The following CHN2 variants were observed in gnomAD, a reference collection of about 807,000 sequenced individuals.
CHN2 encodes the protein beta-chimaerin.
In CHN2, 35 loss-of-function variants were observed where a neutral mutation model predicts 56.3. The observed-to-expected ratio is 0.62, with a 90% CI of 0.47 to 0.82. The LOEUF (loss-of-function observed/expected upper bound fraction) is 0.82, where lower values mean the gene tolerates loss of function less well. Ranked by LOEUF, CHN2 falls within the 40% of genes least tolerant of loss-of-function variation. The probability of loss-of-function intolerance (pLI) is 0.00; values close to 1 mark genes in which losing one functional copy is unlikely to be tolerated. For synonymous variants in CHN2, 210 were observed against 212.8 expected (o/e 0.99, Z 0.12); for missense variants, 491 against 580.5 (o/e 0.85, Z 1.58).
At chr7:29,373,585 A>G (rs1799791887) in intron 3 of CHN2, among the ~76,000 whole-genome samples, 1 of 152,168 alleles carries the variant, frequency 6.6e-6, no homozygotes, top group Non-Finnish European at 1.5e-5. Context: ...TCTTTTATGC[A>G]GTTTTCCCTA....
At chr7:29,304,375 C>G (rs1415105658) in intron 1 of CHN2, among the ~76,000 whole-genome samples, 1 of 152,154 alleles carries the variant, frequency 6.6e-6, no homozygotes, top group Non-Finnish European at 1.5e-5. Flanking sequence ...AGCAAATAAA[C>G]ATATTCAGAG....
chr7:29,169,658 G>C (rs898333617), intron 2 of CHN2, among the ~76,000 whole-genome samples: 3 of 151,828 alleles, frequency 2.0e-5, no homozygotes, highest in Admixed American at 1.3e-4. Flanking sequence ...TCCTATGTAT[G>C]GCTGCCATCA....
chr7:29,222,296 T>A (rs976362492), intron 1 of CHN2, among the ~76,000 whole-genome samples: 2 of 152,152 alleles, frequency 1.3e-5, no homozygotes, highest in Non-Finnish European at 2.9e-5. Context: ...CCAAAGTAAT[T>A]TATAGATTCA....
intron 1 of CHN2, among the ~76,000 whole-genome samples, chr7:29,281,779 C>T (rs985876036): frequency 2.6e-5 from 4 of 152,156 alleles, no homozygotes; most frequent in Non-Finnish European, 5.9e-5. Context: ...AGCCATTTTC[C>T]CCTAAGAGAT....
At chr7:29,500,773 C>T (rs1210064463) in intron 9 of CHN2, among the ~76,000 whole-genome samples, 1 of 152,036 alleles carries the variant, frequency 6.6e-6, no homozygotes, top group Non-Finnish European at 1.5e-5. Flanking sequence ...AAAATGTGCT[C>T]CTAATATTCA....
At chr7:29,279,180 G>GTTGAAAGGGCAACTGGAAATTAT (rs1791474936) in intron 1 of CHN2, among the ~76,000 whole-genome samples, 1 of 152,216 alleles carries the variant, frequency 6.6e-6, no homozygotes, top group Non-Finnish European at 1.5e-5. Flanking sequence ...TATTTACAGA[G>GTTGAAAGGGCAACTGGAAATTAT]TTGAAAGGGC....
At chr7:29,405,222 C>CAA (rs56116764) in intron 6 of CHN2, among the ~76,000 whole-genome samples, 1 of 146,404 alleles carries the variant, frequency 6.8e-6, no homozygotes, top group African/African-American at 2.6e-5. Flanking sequence ...CACACACACA[C>CAA]GGCAGTTCCA....
intron 1 of CHN2, chr7:29,213,271 C>G (rs1195165434): frequency 1.2e-6 from 1 of 849,632 alleles, no homozygotes; most frequent in South Asian, 1.4e-5. Flanking sequence ...TGAATCCTTC[C>G]TCTCCCCTCC....
intron 6 of CHN2, among the ~76,000 whole-genome samples, chr7:29,474,708 G>T (rs1317651671): frequency 1.3e-5 from 2 of 152,208 alleles, no homozygotes; most frequent in Non-Finnish European, 2.9e-5. Flanking sequence ...AGACACTGTG[G>T]TTGGAATACA....
At chr7:29,403,671 A>G (rs533647311) in intron 6 of CHN2, among the ~76,000 whole-genome samples, 116 of 134,192 alleles carry the variant, frequency 8.6e-4, no homozygotes, top group African/African-American at 3.6e-3. Flanking sequence ...AGGAAGGCAG[A>G]AAAAAAAAAA....
intron 2 of CHN2, among the ~76,000 whole-genome samples, chr7:29,153,458 C>T (rs1013703060): frequency 2.6e-5 from 4 of 152,218 alleles, no homozygotes; most frequent in African/African-American, 9.6e-5. Context: ...ACCAACCCCT[C>T]TTCTTCCTTC....
At chr7:29,453,002 A>G (rs972886926) in intron 6 of CHN2, among the ~76,000 whole-genome samples, 1 of 152,202 alleles carries the variant, frequency 6.6e-6, no homozygotes, top group Non-Finnish European at 1.5e-5. Flanking sequence ...ACAAATTTAT[A>G]TTTCTTAATG....
At chr7:29,211,031 C>T (rs1047138657) in intron 1 of CHN2, among the ~76,000 whole-genome samples, 22 of 150,758 alleles carry the variant, frequency 1.5e-4, no homozygotes, top group African/African-American at 3.2e-4. Flanking sequence ...TTCTAGAAGA[C>T]AGTGGCATGA....
chr7:29,217,136 G>C (rs1172900502), intron 1 of CHN2, among the ~76,000 whole-genome samples: 2 of 152,174 alleles, frequency 1.3e-5, no homozygotes, highest in African/African-American at 4.8e-5. Flanking sequence ...AGAGGGATTT[G>C]ACCAGCTATA....
intron 1 of CHN2, chr7:29,212,798 C>T (rs1338642065): frequency 4.4e-6 from 7 of 1,608,422 alleles, no homozygotes; most frequent in East Asian, 4.5e-5. Context: ...TGGTGTGACT[C>T]GGAAGGCCTC....
At chr7:29,319,145 T>C (rs1171656280) in intron 1 of CHN2, among the ~76,000 whole-genome samples, 1 of 152,234 alleles carries the variant, frequency 6.6e-6, no homozygotes, top group Non-Finnish European at 1.5e-5. Flanking sequence ...GTGTGAAATT[T>C]GCACATTTAA....
At chr7:29,409,399 TA>T (rs1312484530) in intron 6 of CHN2, among the ~76,000 whole-genome samples, 4 of 152,234 alleles carry the variant, frequency 2.6e-5, no homozygotes, top group African/African-American at 9.6e-5. Context: ...TTAGTATGAA[TA>T]ACATATTTTT....
intron 3 of CHN2, among the ~76,000 whole-genome samples, chr7:29,388,310 A>G (rs1449085500): frequency 6.6e-6 from 1 of 152,190 alleles, no homozygotes; most frequent in Non-Finnish European, 1.5e-5. Context: ...AATATTTAAA[A>G]TATGGTGAGA....
chr7:29,398,654 T>TGGCACAATCATGGCTCACTGCAGC (rs1480150256), intron 5 of CHN2, among the ~76,000 whole-genome samples, 168 bp downstream of exon 5: 1 of 152,122 alleles, frequency 6.6e-6, no homozygotes, highest in Non-Finnish European at 1.5e-5. Context: ...TGGAGTGCAG[T>TGGCACAATCATGGCTCACTGCAGC]GGCACAATCA....
Sources: gnomAD v4.1 joint callset for allele counts (sites outside exome capture counted in the v4.1 genomes callset) on GRCh38, gnomAD v4.1.1 for gene constraint, MANE v1.5 for transcripts, NCBI Gene and HGNC (gene_info 2026-07-23, HGNC 2026-07-21) for gene names.